ATRNL1: variants seen among roughly 807,000 people sequenced by gnomAD.
ATRNL1 encodes attractin like 1, also known as attractin-like protein 1.
Under a neutral mutation model 182.7 loss-of-function variants are expected in ATRNL1, and 95 were observed. That is an observed-to-expected ratio of 0.52 (90% confidence interval 0.44 to 0.62). The LOEUF (loss-of-function observed/expected upper bound fraction) is 0.62, where lower values mean the gene tolerates loss of function less well. Among genes scored for constraint, ATRNL1 ranks in the 20% least tolerant of loss-of-function variants. The probability of loss-of-function intolerance (pLI) is 0.00; values close to 1 mark genes in which losing one functional copy is unlikely to be tolerated. For missense variants in ATRNL1, 1,471 were observed against 1,679.5 expected (o/e 0.88, Z 2.17); for synonymous variants, 576 against 568.3 (o/e 1.01, Z -0.19).
intron 21 of ATRNL1, among the ~76,000 whole-genome samples, chr10:115,440,584 C>T (rs1846622381): frequency 6.6e-6 from 1 of 151,716 alleles, no homozygotes; most frequent in South Asian, 2.1e-4. Context: ...TTCCTAGTGC[C>T]CTGCTGTCTT....
chr10:115,289,860 A>G (rs1441206430), intron 15 of ATRNL1, among the ~76,000 whole-genome samples: 5 of 152,140 alleles, frequency 3.3e-5, no homozygotes, highest in Admixed American at 1.3e-4. Context: ...TGCTTTGGCT[A>G]TTAGGGCTCT....
intron 8 of ATRNL1, among the ~76,000 whole-genome samples, chr10:115,199,650 AG>A (rs1395353710): frequency 6.6e-6 from 1 of 151,774 alleles, no homozygotes; most frequent in Non-Finnish European, 1.5e-5. Context: ...TAGATAATGT[AG>A]GGTTGGGATT....
intron 25 of ATRNL1, among the ~76,000 whole-genome samples, chr10:115,522,502 T>G (rs1272404777): frequency 2.0e-5 from 3 of 152,174 alleles, no homozygotes; most frequent in Admixed American, 2.0e-4. Context: ...TTCATTAGGC[T>G]CAATCTCCAA....
intron 26 of ATRNL1, among the ~76,000 whole-genome samples, chr10:115,594,801 G>A (rs1054388298): frequency 1.3e-5 from 2 of 152,140 alleles, no homozygotes; most frequent in Admixed American, 1.3e-4. Flanking sequence ...CACCATGCCA[G>A]GCCAGTAACA....
chr10:115,112,905 A>G (rs537095849), intron 1 of ATRNL1, among the ~76,000 whole-genome samples: 38 of 152,322 alleles, frequency 2.5e-4, no homozygotes, highest in Non-Finnish European at 4.0e-4. Flanking sequence ...TTTCCAATCT[A>G]TGGGTGCCAA....
At chr10:115,642,277 A>T (rs1859300098) in intron 26 of ATRNL1, among the ~76,000 whole-genome samples, 1 of 152,214 alleles carries the variant, frequency 6.6e-6, no homozygotes, top group Non-Finnish European at 1.5e-5. Context: ...CTTACATATG[A>T]ATTTAACAAA....
intron 21 of ATRNL1, among the ~76,000 whole-genome samples, chr10:115,456,000 G>T (rs1293547376): frequency 6.6e-6 from 1 of 152,178 alleles, no homozygotes; most frequent in Non-Finnish European, 1.5e-5. Flanking sequence ...TGCTGGAGAG[G>T]ATGTGGAGAA....
chr10:115,328,413 T>G (rs1855031667), intron 18 of ATRNL1, among the ~76,000 whole-genome samples: 2 of 152,146 alleles, frequency 1.3e-5, no homozygotes, highest in Admixed American at 6.6e-5. Flanking sequence ...CTTAAACATT[T>G]ATAATGTGTT....
At chr10:115,204,738 T>A (rs1185626222) in intron 8 of ATRNL1, among the ~76,000 whole-genome samples, 1 of 152,152 alleles carries the variant, frequency 6.6e-6, no homozygotes, top group East Asian at 1.9e-4. Context: ...AATATTGGCT[T>A]TTATATAGTG....
At chr10:115,241,480 C>CTA in intron 9 of ATRNL1, 91 bp from the exon 10 acceptor site, 2 of 762,872 alleles carry the variant, frequency 2.6e-6, no homozygotes, top group Non-Finnish European at 2.0e-6. Context: ...AGGGAAACCT[C>CTA]TATATGCAAA....
At chr10:115,776,685 C>T (rs999695529) in intron 27 of ATRNL1, among the ~76,000 whole-genome samples, 1 of 152,062 alleles carries the variant, frequency 6.6e-6, no homozygotes, top group African/African-American at 2.4e-5. Flanking sequence ...CTGCTGACAG[C>T]CCTTGATGAG....
At chr10:115,649,959 A>G (rs1859880818) in intron 26 of ATRNL1, among the ~76,000 whole-genome samples, 1 of 152,152 alleles carries the variant, frequency 6.6e-6, no homozygotes, top group Admixed American at 6.6e-5. Context: ...AAATTAGAGA[A>G]TAGAACTAAA....
In ATRNL1 at chr10:115,327,093, T is replaced by G. The variant is rs1198643534; in HGVS notation, c.3038-7189T>G. Among the ~76,000 whole-genome samples the G allele has an allele frequency of 3.0e-4, 46 of 151,504 alleles. No homozygotes were observed. The East Asian group carries it at 7.2e-3, about 24-fold the overall frequency. On this transcript the variant is annotated intron_variant, in intron 18 of 28. Transcript: ENST00000355044. ...GCCAAAATTGACAAATGGGATCTAATTAAACTAAAGAGCTTCTGCACAGCA... is the reference window on the plus strand; with the variant it reads ...GCCAAAATTGACAAATGGGATCTAAGTAAACTAAAGAGCTTCTGCACAGCA...
intron 6 of ATRNL1, among the ~76,000 whole-genome samples, chr10:115,161,860 G>A (rs1477062347): frequency 6.6e-6 from 1 of 152,000 alleles, no homozygotes; most frequent in Non-Finnish European, 1.5e-5. Flanking sequence ...GAAGTGATAG[G>A]ATAAGTCATA....
intron 27 of ATRNL1, among the ~76,000 whole-genome samples, chr10:115,796,887 T>C (rs528621213): frequency 6.6e-6 from 1 of 152,350 alleles, no homozygotes; most frequent in African/African-American, 2.4e-5. Context: ...TCATTAGATG[T>C]AGAGCTTTTA....
intron 26 of ATRNL1, among the ~76,000 whole-genome samples, chr10:115,696,344 C>T (rs533270232): frequency 3.9e-4 from 60 of 152,238 alleles, no homozygotes; most frequent in African/African-American, 1.4e-3. Flanking sequence ...GTGGCATGTG[C>T]CTATAATCCC....
intron 26 of ATRNL1, among the ~76,000 whole-genome samples, chr10:115,551,961 T>C (rs942986594): frequency 6.6e-6 from 1 of 151,512 alleles, no homozygotes; most frequent in African/African-American, 2.4e-5. Flanking sequence ...CATATTATTA[T>C]AATTGTTCTA....
Position 115,406,398 on chromosome 10 carries a change from A to G in ATRNL1, c.3269+11646A>G, listed in dbSNP as rs530527421. ...GCTTACAAATGCATACATTTTGTTGAGTGTGTATTCATTATTCATATTTTC... is the reference window on the plus strand; with the variant it reads ...GCTTACAAATGCATACATTTTGTTGGGTGTGTATTCATTATTCATATTTTC... On this transcript the variant is annotated intron_variant, in intron 20 of 28. Coordinates refer to ENST00000355044, the MANE Select transcript of ATRNL1 (RefSeq NM_207303.4). 2.6e-5 allele frequency among the ~76,000 whole-genome samples: 4 copies of G among 152,190 alleles called. No homozygotes were observed. The East Asian group carries it at 7.7e-4, about 29-fold the overall frequency.
At chr10:115,271,877 C>T (rs1434938326) in intron 13 of ATRNL1, among the ~76,000 whole-genome samples, 4 of 152,148 alleles carry the variant, frequency 2.6e-5, no homozygotes, top group East Asian at 1.9e-4. Context: ...ATATAATCCC[C>T]GGTCTTGGAG....
Sources: gnomAD v4.1 joint callset for allele counts (sites outside exome capture counted in the v4.1 genomes callset) on GRCh38, gnomAD v4.1.1 for gene constraint, MANE v1.5 for transcripts, NCBI Gene and HGNC (gene_info 2026-07-23, HGNC 2026-07-21) for gene names.